The following PXK variants were observed in gnomAD, a reference collection of about 807,000 sequenced individuals.
The protein encoded by PXK is PX domain containing serine/threonine kinase like, also known as PX domain-containing protein kinase-like protein.
Under a neutral mutation model 84.7 loss-of-function variants are expected in PXK, and 35 were observed. That is an observed-to-expected ratio of 0.41 (90% confidence interval 0.32 to 0.55). The LOEUF (loss-of-function observed/expected upper bound fraction) is 0.55. Ranked by LOEUF, PXK falls within the 20% of genes least tolerant of loss-of-function variation. The probability of loss-of-function intolerance (pLI) is 0.21; values close to 1 mark genes in which losing one functional copy is unlikely to be tolerated. For synonymous variants in PXK, 253 were observed against 260.8 expected (o/e 0.97, Z 0.29); for missense variants, 634 against 699.7 (o/e 0.91, Z 1.06).
At chr3:58,406,407 A>G (rs2107497593) in intron 13 of PXK, among the ~76,000 whole-genome samples, 1 of 151,694 alleles carries the variant, frequency 6.6e-6, no homozygotes. Flanking sequence ...CCTGTTGAGT[A>G]GCTGGGACAA....
intron 17 of PXK, chr3:58,420,884 C>G (rs2061722223): frequency 8.6e-7 from 1 of 1,165,886 alleles, no homozygotes; most frequent in South Asian, 2.3e-5. Context: ...GAAACCATAA[C>G]TCTCAAAGTC....
At position 58,353,142 on chromosome 3, in the gene PXK, G is replaced by A. The variant is rs1032854467; in HGVS notation, c.103-12732G>A. Among the ~76,000 whole-genome samples, 7 of 151,918 alleles carry A rather than the reference G, an allele frequency of 4.6e-5. No homozygotes were observed. In the East Asian group the frequency reaches 1.2e-3, roughly 25 times the overall value. On this transcript the variant is annotated intron_variant, in intron 1 of 17. Transcript: ENST00000356151. ...CTCCCGAATAGCTGGGACTACAGGC[G>A]CCCGCCACCACGCCCGGCTAATTTT...
Position 58,386,023 on chromosome 3 carries a change from G to A in PXK, c.388+3323G>A, listed in dbSNP as rs115170559. Among the ~76,000 whole-genome samples the A allele has an allele frequency of 2.9e-3, 436 of 152,248 alleles. 1 individual carries two copies. Among genetic ancestry groups the A allele is most frequent in the African/African-American group, 0.01 (423 of 41,560 alleles). The stretch of plus-strand genomic sequence containing the variant: ...GCTCCCAGGGGATGGCTAACTGGGA[G>A]CTCTCAGGACATTGGCAGCTTCCTT... On this transcript the variant is annotated intron_variant, in intron 4 of 17. Transcript: ENST00000356151.
chr3:58,368,327 CCTT>C (rs1224925442), intron 2 of PXK, among the ~76,000 whole-genome samples: 7 of 152,002 alleles, frequency 4.6e-5, no homozygotes, highest in Non-Finnish European at 8.8e-5. Context: ...ATTTGTGAGC[CCTT>C]CTTTTTTTTT....
chr3:58,395,186 G>T, intron 8 of PXK, 84 bp downstream of exon 8: 2 of 920,266 alleles, frequency 2.2e-6, no homozygotes, highest in Non-Finnish European at 3.3e-6. Flanking sequence ...AGACTCCAGA[G>T]GCTAGGCCCT....
intron 3 of PXK, among the ~76,000 whole-genome samples, chr3:58,372,751 C>T (rs768514193): frequency 2.6e-5 from 4 of 151,652 alleles, no homozygotes; most frequent in African/African-American, 7.3e-5. Context: ...CATAACCTCC[C>T]GAGTAGCTGA....
intron 7 of PXK, among the ~76,000 whole-genome samples, chr3:58,392,675 T>C (rs2098642936): frequency 6.6e-6 from 1 of 151,996 alleles, no homozygotes; most frequent in Admixed American, 6.6e-5. Context: ...TTTTTTTTTT[T>C]TTTCAAGGTG....
intron 1 of PXK, among the ~76,000 whole-genome samples, chr3:58,334,773 G>C (rs558130408): frequency 6.6e-6 from 1 of 152,262 alleles, no homozygotes; most frequent in Admixed American, 6.5e-5. Flanking sequence ...TTTCAAATGT[G>C]TTTATCAAAT....
At chr3:58,361,620 C>CT (rs994124509) in intron 1 of PXK, among the ~76,000 whole-genome samples, 4 of 152,000 alleles carry the variant, frequency 2.6e-5, no homozygotes, top group South Asian at 2.1e-4. Context: ...TTCAAGATTG[C>CT]TTTTTTTTCC....
At chr3:58,394,446 C>A (rs1477945137) in intron 7 of PXK, among the ~76,000 whole-genome samples, 1 of 152,136 alleles carries the variant, frequency 6.6e-6, no homozygotes, top group Non-Finnish European at 1.5e-5. Context: ...AGATTCATGC[C>A]AGCTACTGTG....
chr3:58,358,991 C>T (rs991117438), intron 1 of PXK, among the ~76,000 whole-genome samples: 1 of 152,144 alleles, frequency 6.6e-6, no homozygotes, highest in South Asian at 2.1e-4. Context: ...AATGCAGTAC[C>T]TTTTTCGTCA....
In PXK at chr3:58,395,071, A is replaced by C; in HGVS notation, c.689A>C (p.Glu230Ala). 1 of 1,612,982 alleles carries C rather than the reference A, an allele frequency of 6.2e-7. No individual in the cohort carries two copies. Among genetic ancestry groups the C allele is most frequent in the Non-Finnish European group, 8.5e-7 (1 of 1,178,986 alleles). ...GCGTTGCTAATTAGGATGTTTAACG[A>C]AAAGGGAACATTGAAGGATCTGATC... is the stretch of plus-strand genomic sequence containing the variant. ...SSALLIRMFN[E>A]KGTLKDLIYK... The change falls in exon 8 of 18, where the codon GAA becomes GCA. Residue 230 changes from glutamate (E) to alanine (A), a missense_variant. Coordinates refer to ENST00000356151, the MANE Select transcript of PXK (RefSeq NM_017771.5).
At chr3:58,413,808 G>A (rs2060569434) in intron 17 of PXK, 1 of 152,024 alleles carries the variant, frequency 6.6e-6, no homozygotes. Context: ...AGAATCATTG[G>A]CAGGGAGTTG....
intron 1 of PXK, among the ~76,000 whole-genome samples, chr3:58,355,748 A>G (rs988854934): frequency 6.6e-6 from 1 of 152,234 alleles, no homozygotes; most frequent in African/African-American, 2.4e-5. Context: ...ACCCTCAGGT[A>G]AGAGTCAGTG....
intron 4 of PXK, among the ~76,000 whole-genome samples, chr3:58,388,532 A>G (rs1397995422): frequency 6.6e-6 from 1 of 152,258 alleles, no homozygotes; most frequent in Non-Finnish European, 1.5e-5. Flanking sequence ...CATGAATTAT[A>G]GAAGAAGTAC....
intron 4 of PXK, among the ~76,000 whole-genome samples, chr3:58,387,988 G>A (rs1160225709): frequency 1.3e-5 from 2 of 152,178 alleles, no homozygotes; most frequent in African/African-American, 4.8e-5. Flanking sequence ...TAAAGCCAGA[G>A]GTTGGTTGAA....
chr3:58,381,555 CAAA>C (rs34125797), intron 3 of PXK, among the ~76,000 whole-genome samples: 28 of 120,908 alleles, frequency 2.3e-4, no homozygotes, highest in Non-Finnish European at 2.6e-4. Context: ...AATAGAAAAC[CAAA>C]AAAAAAAAAA....
In PXK at chr3:58,411,816, A is replaced by C. The variant is rs2060246522; in HGVS notation, c.1466-1085A>C. Among the ~76,000 whole-genome samples the C allele has an allele frequency of 6.6e-6, 1 of 152,344 alleles. No homozygotes were observed. On this transcript the variant is annotated intron_variant, in intron 16 of 17. Transcript: ENST00000356151. The surrounding 1 kb of genome is among the most constrained non-coding windows in gnomAD (Gnocchi z 4.2). ...AAAGTTCATTAGCACTACGAACAGT[A>C]TAAAGACAGCATGCATTGAGTTTTA...
chr3:58,395,534 A>G, intron 8 of PXK, 124 bp from the exon 9 acceptor site: 1 of 705,694 alleles, frequency 1.4e-6, no homozygotes, highest in Non-Finnish European at 2.4e-6. Context: ...TTAAAAACTC[A>G]CATCTTGCAG....
Sources: gnomAD v4.1 joint callset for allele counts (sites outside exome capture counted in the v4.1 genomes callset) on GRCh38, gnomAD v4.1.1 for gene constraint, Gnocchi (gnomAD v3.1) non-coding constraint, MANE v1.5 for transcripts, NCBI Gene and HGNC (gene_info 2026-07-23, HGNC 2026-07-21) for gene names.